The following ATP8A2 variants were observed in gnomAD, a reference collection of about 807,000 sequenced individuals.
ATP8A2 encodes the protein ATPase phospholipid transporting 8A2.
A neutral mutation model predicts 165.6 loss-of-function variants in ATP8A2; 100 were observed. That is an observed-to-expected ratio of 0.60 (90% CI 0.51 to 0.71). The LOEUF (loss-of-function observed/expected upper bound fraction) is 0.71, where lower values mean the gene tolerates loss of function less well. ATP8A2 is among the 30% of genes least tolerant of loss of function. ATP8A2 has a pLI of 0.00. For missense variants in ATP8A2, 1,227 were observed against 1,479.5 expected (o/e 0.83, Z 2.80); for synonymous variants, 543 against 548.8 (o/e 0.99, Z 0.15).
At position 25,396,518 on chromosome 13, in the gene ATP8A2, A is replaced by G. The variant is rs545865687; in HGVS notation, c.76+24230A>G. Among the ~76,000 whole-genome samples, 35 of 152,118 alleles carry G rather than the reference A, an allele frequency of 2.3e-4. No individual in the cohort carries two copies. In the East Asian group the frequency reaches 5.8e-3, roughly 25 times the overall value. On this transcript the variant is annotated intron_variant, in intron 1 of 36. Transcript: ENST00000381655. ...AGAAACTTCTGCTTCTGAGGCCTTGATTTTAGGGTATTGTTTTCTCAGTCC... is the reference window on the plus strand; with the variant it reads ...AGAAACTTCTGCTTCTGAGGCCTTGGTTTTAGGGTATTGTTTTCTCAGTCC...
intron 2 of ATP8A2, among the ~76,000 whole-genome samples, chr13:25,516,257 A>C (rs908178974): frequency 6.6e-6 from 1 of 152,106 alleles, no homozygotes; most frequent in African/African-American, 2.4e-5. Context: ...CTGACAAGGT[A>C]TGTCCTCCCC....
intron 2 of ATP8A2, among the ~76,000 whole-genome samples, chr13:25,511,508 G>A (rs1208495582): frequency 1.3e-5 from 2 of 152,090 alleles, no homozygotes; most frequent in South Asian, 2.1e-4. Context: ...CTTGATTACT[G>A]TTTTGTATTG....
intron 24 of ATP8A2, among the ~76,000 whole-genome samples, chr13:25,604,330 G>T (rs2040463494): frequency 6.6e-6 from 1 of 152,140 alleles, no homozygotes; most frequent in South Asian, 2.1e-4. Flanking sequence ...TGGGTGACTT[G>T]TCAGGAGCTG....
intron 24 of ATP8A2, among the ~76,000 whole-genome samples, chr13:25,693,947 C>A (rs573926653): frequency 1.3e-5 from 2 of 152,338 alleles, no homozygotes; most frequent in East Asian, 3.9e-4. Context: ...TCACTGCAAC[C>A]TCTACCTCCT....
intron 24 of ATP8A2, 81 bp from the exon 25 acceptor site, chr13:25,699,092 A>G: frequency 8.5e-7 from 1 of 1,176,578 alleles, no homozygotes; most frequent in Non-Finnish European, 1.2e-6. Context: ...TCTCATTTCA[A>G]GAAACTTAAT....
At chr13:25,820,497 T>C (rs1208792093) in intron 27 of ATP8A2, among the ~76,000 whole-genome samples, 3 of 152,160 alleles carry the variant, frequency 2.0e-5, no homozygotes, top group South Asian at 2.1e-4. Context: ...GAGTAAAATT[T>C]AGTGGCTATA....
intron 33 of ATP8A2, among the ~76,000 whole-genome samples, chr13:25,930,330 T>A (rs369050067): frequency 1.1e-4 from 17 of 152,354 alleles, no homozygotes; most frequent in African/African-American, 4.1e-4. Context: ...GGCCCTGTCC[T>A]GTTAGCTTCC....
chr13:26,003,894 A>G (rs1290565206), intron 35 of ATP8A2, among the ~76,000 whole-genome samples: 7 of 152,012 alleles, frequency 4.6e-5, no homozygotes, highest in Non-Finnish European at 1.0e-4. Context: ...TTTTTATGCC[A>G]GTACCATGCC....
At chr13:26,017,886 G>A (rs1487319829) in intron 36 of ATP8A2, among the ~76,000 whole-genome samples, 1 of 152,230 alleles carries the variant, frequency 6.6e-6, no homozygotes, top group Non-Finnish European at 1.5e-5. Flanking sequence ...TCTGGGAGCT[G>A]CTTCACTGTG....
chr13:25,603,201 G>A (rs1024341056), intron 24 of ATP8A2, among the ~76,000 whole-genome samples: 22 of 151,818 alleles, frequency 1.4e-4, no homozygotes, highest in African/African-American at 5.3e-4. Context: ...ATTAAAAGGA[G>A]TCTTGGCTAG....
In ATP8A2 at chr13:25,618,736, A is replaced by G. The variant is rs998353284; in HGVS notation, c.2211+29037A>G. Among the ~76,000 whole-genome samples, 14 of 138,586 alleles carry G rather than the reference A, an allele frequency of 1.0e-4. 1 individual carries two copies. Among genetic ancestry groups the G allele is most frequent in the African/African-American group, 3.6e-4 (13 of 36,580 alleles). The allele number at this position is 138,586 out of a possible 152,430, so 90.9% of individuals were successfully genotyped here. Reference sequence around the variant, plus strand: ...TCTCTATGTAGGGTAGGGAGATTTCATGCTACTGGGAGCAAGATGATGCTT... The same window carrying G: ...TCTCTATGTAGGGTAGGGAGATTTCGTGCTACTGGGAGCAAGATGATGCTT... On this transcript the variant is annotated intron_variant, in intron 24 of 36. Transcript: ENST00000381655.
intron 2 of ATP8A2, among the ~76,000 whole-genome samples, chr13:25,477,851 C>T (rs186059298): frequency 3.9e-5 from 6 of 152,278 alleles, no homozygotes; most frequent in African/African-American, 4.8e-5. Flanking sequence ...GCTGGAGAAT[C>T]GCTTGAACCC....
chr13:25,847,182 C>G (rs1951887315), intron 30 of ATP8A2, among the ~76,000 whole-genome samples: 1 of 152,150 alleles, frequency 6.6e-6, no homozygotes, highest in South Asian at 2.1e-4. Context: ...TCCCTAAGAC[C>G]TAGAAACACA....
intron 2 of ATP8A2, among the ~76,000 whole-genome samples, chr13:25,485,936 T>C (rs980365874): frequency 6.6e-6 from 1 of 152,184 alleles, no homozygotes; most frequent in African/African-American, 2.4e-5. Flanking sequence ...ATTGCTCCTA[T>C]ACTCAACAAA....
intron 24 of ATP8A2, among the ~76,000 whole-genome samples, chr13:25,639,498 G>C (rs1477558975): frequency 6.6e-6 from 1 of 152,166 alleles, no homozygotes; most frequent in Non-Finnish European, 1.5e-5. Context: ...GATCGAAAGA[G>C]ACAAAGAAGG....
intron 28 of ATP8A2, among the ~76,000 whole-genome samples, chr13:25,833,670 A>G (rs1214054106): frequency 1.3e-5 from 2 of 152,182 alleles, no homozygotes. Flanking sequence ...GGACTCCTAT[A>G]TAGAAAAATT....
At chr13:25,961,922 G>A (rs564922362) in intron 34 of ATP8A2, among the ~76,000 whole-genome samples, 3 of 152,284 alleles carry the variant, frequency 2.0e-5, no homozygotes, top group Non-Finnish European at 2.9e-5. Context: ...TACTTAGGAG[G>A]CCAAGGTGGG....
chr13:25,985,112 T>C (rs560067979), intron 35 of ATP8A2, among the ~76,000 whole-genome samples: 1 of 152,318 alleles, frequency 6.6e-6, no homozygotes, highest in South Asian at 2.1e-4. Flanking sequence ...GTACCCTCCA[T>C]CCCCAGGGCA....
At chr13:25,699,695 A>G (rs2042911180) in intron 25 of ATP8A2, among the ~76,000 whole-genome samples, 1 of 152,098 alleles carries the variant, frequency 6.6e-6, no homozygotes, top group African/African-American at 2.4e-5. Context: ...AACTTCCAAG[A>G]TGTGTGGGGC....
Sources: allele counts gnomAD v4.1 joint callset (sites outside exome capture counted in the v4.1 genomes callset), GRCh38; gene constraint gnomAD v4.1.1; transcripts MANE v1.5; gene names NCBI Gene and HGNC (gene_info 2026-07-23, HGNC 2026-07-21).